NALF1: variants seen among roughly 807,000 people sequenced by gnomAD.
NALF1 encodes family with sequence similarity 155 member A.
NALF1 carries 3 observed loss-of-function variants against 48.4 expected under a neutral mutation model. The observed-to-expected ratio is 0.06, with a 90% confidence interval of 0.03 to 0.16. The LOEUF is 0.16. Ranked by LOEUF, NALF1 falls within the 10% of genes least tolerant of loss-of-function variation. The pLI is 1.00. For missense variants in NALF1, 526 were observed against 571.5 expected, an observed-to-expected ratio of 0.92 and a Z score of 0.81; for synonymous variants, 262 against 245.7, an observed-to-expected ratio of 1.07 and a Z score of -0.62.
chr13:107,381,586 C>T (rs1883441209), intron 1 of NALF1, among the ~76,000 whole-genome samples: 1 of 151,784 alleles, frequency 6.6e-6, no homozygotes, highest in African/African-American at 2.4e-5. Context: ...TCCCACTCTT[C>T]CTAAAGAGAC....
intron 1 of NALF1, among the ~76,000 whole-genome samples, chr13:107,679,287 A>G (rs7317847): frequency 0.035 from 5,262 of 152,270 alleles, 256 homozygotes; most frequent in East Asian, 0.24. Context: ...TTTTTTTTGA[A>G]AATGTGAAAA....
intron 1 of NALF1, among the ~76,000 whole-genome samples, chr13:107,246,562 T>C (rs1279157348): frequency 6.6e-6 from 1 of 152,350 alleles, no homozygotes; most frequent in Middle Eastern, 3.4e-3. Flanking sequence ...ATTCTCCTGA[T>C]ATATCCTCAA....
intron 1 of NALF1, among the ~76,000 whole-genome samples, chr13:107,620,916 T>C (rs918261592): frequency 2.1e-4 from 32 of 152,198 alleles, no homozygotes; most frequent in African/African-American, 6.3e-4. Flanking sequence ...AAAATGTGTT[T>C]GGTTTATTTG....
chr13:107,696,347 C>G (rs1228137983), intron 1 of NALF1, among the ~76,000 whole-genome samples: 2 of 152,174 alleles, frequency 1.3e-5, no homozygotes, highest in African/African-American at 4.8e-5. Context: ...AAATGTTAAT[C>G]ATAGTGGACA....
At chr13:107,437,111 A>G (rs1426597630) in intron 1 of NALF1, among the ~76,000 whole-genome samples, 1 of 152,198 alleles carries the variant, frequency 6.6e-6, no homozygotes, top group Non-Finnish European at 1.5e-5. Context: ...TAAAGAAGAG[A>G]TGTACAAGAA....
intron 1 of NALF1, among the ~76,000 whole-genome samples, chr13:107,222,967 CATT>C (rs1880025638): frequency 1.3e-5 from 2 of 152,114 alleles, no homozygotes; most frequent in African/African-American, 4.8e-5. Context: ...AAGGTTTTGC[CATT>C]ATTATTATCA....
chr13:107,224,846 TGA>T lies in NALF1; in HGVS notation c.916-14093_916-14092del, dbSNP rs374352856. On this transcript the variant is annotated intron_variant, in intron 1 of 2. Transcript: ENST00000375915. Reference sequence around the variant, plus strand: ...AGTTATTAGATTATTCTTAGGTAAATGAGAGTCTCCACAGCTAATAATTTGAT... The same window carrying T: ...AGTTATTAGATTATTCTTAGGTAAATGAGTCTCCACAGCTAATAATTTGAT... Among the ~76,000 whole-genome samples, 25 of 152,306 alleles carry T rather than the reference TGA, an allele frequency of 1.6e-4. No individual in the cohort carries two copies. In the South Asian group the frequency reaches 5.2e-3, roughly 32 times the overall value.
At chr13:107,565,714 G>A (rs1311460548) in intron 1 of NALF1, among the ~76,000 whole-genome samples, 1 of 152,102 alleles carries the variant, frequency 6.6e-6, no homozygotes, top group Non-Finnish European at 1.5e-5. Context: ...ATACATGTGT[G>A]TATGAGTGTA....
intron 1 of NALF1, among the ~76,000 whole-genome samples, chr13:107,462,394 T>C (rs56755755): frequency 0.028 from 4,230 of 152,272 alleles, 198 homozygotes; most frequent in African/African-American, 0.096. Context: ...TTTGAAGAAA[T>C]GTTAGATTAC....
chr13:107,320,700 A>G (rs757229273), intron 1 of NALF1, among the ~76,000 whole-genome samples: 5 of 152,106 alleles, frequency 3.3e-5, no homozygotes, highest in Non-Finnish European at 5.9e-5. Flanking sequence ...AAAAGGATCT[A>G]CGACAGGACA....
chr13:107,370,078 G>A (rs559108908), intron 1 of NALF1, among the ~76,000 whole-genome samples: 2 of 152,276 alleles, frequency 1.3e-5, no homozygotes, highest in African/African-American at 4.8e-5. Flanking sequence ...CTTTGGGAAA[G>A]CTAAATGCCT....
rs1883082935 is a variant in NALF1, at chr13:107,362,569, G to A, written c.916-151814C>T. On this transcript the variant is annotated intron_variant, in intron 1 of 2. Coordinates refer to ENST00000375915, the MANE Select transcript of NALF1 (RefSeq NM_001080396.3). This position sits in a 1 kb window ranked among gnomAD's most constrained non-coding sequence, Gnocchi z 4.6. The stretch of plus-strand genomic sequence containing the variant: ...TCTCCTCTCCTTATATCAGACACCA[G>A]TCACACTGGATTAGCGCCCACCCTA... 6.6e-6 allele frequency among the ~76,000 whole-genome samples: 1 copy of A among 152,134 alleles called. No homozygotes were observed. The highest frequency in any genetic ancestry group is 1.5e-5 in the Non-Finnish European group (1 of 68,026).
intron 1 of NALF1, among the ~76,000 whole-genome samples, chr13:107,852,348 TATA>T (rs1880341457): frequency 6.6e-6 from 1 of 152,200 alleles, no homozygotes; most frequent in Admixed American, 6.5e-5. Flanking sequence ...ACCATTGCCA[TATA>T]ATAACAGCAC....
At chr13:107,821,283 T>G (rs1879354015) in intron 1 of NALF1, among the ~76,000 whole-genome samples, 1 of 152,232 alleles carries the variant, frequency 6.6e-6, no homozygotes, top group African/African-American at 2.4e-5. Context: ...ACCAATGTGC[T>G]CAAATGTTTA....
At chr13:107,349,942 G>C (rs1882842545) in intron 1 of NALF1, among the ~76,000 whole-genome samples, 1 of 152,058 alleles carries the variant, frequency 6.6e-6, no homozygotes. Flanking sequence ...AGAGGATGAT[G>C]GTTTTGGAAT....
intron 1 of NALF1, among the ~76,000 whole-genome samples, chr13:107,470,869 G>A (rs1344974985): frequency 2.6e-5 from 4 of 151,946 alleles, no homozygotes; most frequent in Admixed American, 6.6e-5. Flanking sequence ...TAATAACTAC[G>A]ATCGTTAATA....
intron 1 of NALF1, among the ~76,000 whole-genome samples, chr13:107,800,013 G>A (rs1309404060): frequency 2.0e-5 from 3 of 150,818 alleles, no homozygotes; most frequent in Admixed American, 6.6e-5. Flanking sequence ...AAGGAAGAAA[G>A]GGCGGAGAGG....
chr13:107,375,128 C>T (rs1030076782), intron 1 of NALF1, among the ~76,000 whole-genome samples: 2 of 152,130 alleles, frequency 1.3e-5, no homozygotes, highest in African/African-American at 4.8e-5. Context: ...AAGTATAACA[C>T]ATTTAAAATT....
intron 1 of NALF1, among the ~76,000 whole-genome samples, chr13:107,351,641 G>A (rs1011691836): frequency 6.6e-6 from 1 of 152,182 alleles, no homozygotes; most frequent in Non-Finnish European, 1.5e-5. Flanking sequence ...GCTAATAAAA[G>A]CTTCCCTCTA....
Sources: gnomAD v4.1 joint callset for allele counts (sites outside exome capture counted in the v4.1 genomes callset) on GRCh38, gnomAD v4.1.1 for gene constraint, Gnocchi (gnomAD v3.1) non-coding constraint, MANE v1.5 for transcripts, NCBI Gene and HGNC (gene_info 2026-07-23, HGNC 2026-07-21) for gene names.